The following MOV10L1 variants were observed in gnomAD, a reference collection of about 807,000 sequenced individuals.
MOV10L1 encodes RNA helicase Mov10l1.
Under a neutral mutation model 143.8 loss-of-function variants are expected in MOV10L1, and 110 were observed. The observed-to-expected ratio is 0.76, with a 90% CI of 0.66 to 0.90. The LOEUF (loss-of-function observed/expected upper bound fraction) is 0.90, where lower values mean the gene tolerates loss of function less well. Among genes scored for constraint, MOV10L1 ranks in the 40% least tolerant of loss-of-function variants. MOV10L1 has a pLI of 0.00. For missense variants in MOV10L1, 1,406 were observed against 1,526.8 expected (o/e 0.92, Z 1.32); for synonymous variants, 593 against 581.1 (o/e 1.02, Z -0.29).
intron 21 of MOV10L1, 110 bp downstream of exon 21, chr22:50,151,009 A>G: frequency 7.1e-7 from 1 of 1,412,972 alleles, no homozygotes; most frequent in East Asian, 2.4e-5. Flanking sequence ...ATCCGTGGGC[A>G]GAGTGCAGGG....
At chr22:50,126,345 C>A in intron 12 of MOV10L1, 73 bp downstream of exon 12, 1 of 1,160,396 alleles carries the variant, frequency 8.6e-7, no homozygotes, top group Non-Finnish European at 1.3e-6. Flanking sequence ...AACGTTCTCC[C>A]CACGGCTCTT....
At chr22:50,144,802 CGA>C (rs2063099720) in intron 18 of MOV10L1, among the ~76,000 whole-genome samples, 4 of 151,990 alleles carry the variant, frequency 2.6e-5, no homozygotes, top group Admixed American at 6.5e-5. Context: ...AGGATGGTCT[CGA>C]TCTCCTGACC....
intron 12 of MOV10L1, 38 bp downstream of exon 12, chr22:50,126,310 C>T (rs879045742): frequency 6.7e-7 from 1 of 1,497,994 alleles, no homozygotes; most frequent in Non-Finnish European, 9.3e-7. Context: ...GTGTTAGACA[C>T]ACCCTTCTGA....
chr22:50,092,502 G>T (rs906977608), intron 2 of MOV10L1, among the ~76,000 whole-genome samples: 5 of 152,008 alleles, frequency 3.3e-5, no homozygotes, highest in African/African-American at 1.2e-4. Context: ...GCCTGGTGTC[G>T]TGGCACATAC....
At chr22:50,144,362 T>C (rs550530856) in intron 18 of MOV10L1, 119 bp downstream of exon 18, 8 of 1,289,016 alleles carry the variant, frequency 6.2e-6, no homozygotes, top group Admixed American at 5.6e-5. Context: ...CACAGAAAGC[T>C]GTGTTTGAGA....
At position 50,115,204 on chromosome 22, in the gene MOV10L1, C is replaced by G; in HGVS notation, c.1217C>G (p.Pro406Arg). 1 of 1,546,648 alleles carries G rather than the reference C, an allele frequency of 6.5e-7. No homozygotes were observed. Among genetic ancestry groups the G allele is most frequent in the South Asian group, 1.3e-5 (1 of 79,396 alleles). Reference sequence around the variant, plus strand: ...GAGCCTGAGCCTGGGGGGCTTGTCCCTCCAGGGGGAAAAACCTTCATTGTG... The same window carrying G: ...GAGCCTGAGCCTGGGGGGCTTGTCCGTCCAGGGGGAAAAACCTTCATTGTG... Reference protein sequence around the residue: ...MTEPEPGGLVPPGGKTFIVVI... With the variant: ...MTEPEPGGLVRPGGKTFIVVI... The change falls in exon 8 of 27, where the codon CCT becomes CGT. Residue 406 changes from proline (P) to arginine (R), a missense_variant. Coordinates refer to ENST00000262794, the MANE Select transcript of MOV10L1 (RefSeq NM_018995.3).
chr22:50,146,962 CCCGAGAG>C, intron 19 of MOV10L1: 1 of 1,134,870 alleles, frequency 8.8e-7, no homozygotes, highest in Non-Finnish European at 1.3e-6. Flanking sequence ...CTGTGCGGTG[CCCGAGAG>C]CCGTGTGTGG....
intron 9 of MOV10L1, among the ~76,000 whole-genome samples, chr22:50,117,573 G>A (rs554784359): frequency 6.6e-6 from 1 of 152,174 alleles, no homozygotes; most frequent in Non-Finnish European, 1.5e-5. Flanking sequence ...CAGCAGCAGC[G>A]TGAAGCCCAA....
intron 1 of MOV10L1, 95 bp from the exon 2 acceptor site, chr22:50,091,906 A>T: frequency 8.1e-7 from 1 of 1,230,814 alleles, no homozygotes; most frequent in Non-Finnish European, 1.1e-6. Flanking sequence ...CTGCAAAAAA[A>T]GGAGGCTTTT....
intron 1 of MOV10L1, 138 bp from the exon 2 acceptor site, chr22:50,091,863 C>G: frequency 2.7e-6 from 2 of 744,900 alleles, no homozygotes; most frequent in Non-Finnish European, 4.3e-6. Context: ...CTCTCTGTCT[C>G]AAGTCAGCCC....
At chr22:50,106,847 G>A (rs970932806) in intron 3 of MOV10L1, among the ~76,000 whole-genome samples, 3 of 151,274 alleles carry the variant, frequency 2.0e-5, no homozygotes, top group South Asian at 2.1e-4. Context: ...GACCACAGGC[G>A]CCTGCCACCA....
chr22:50,108,072 A>C (rs1602161258), intron 3 of MOV10L1, 64 bp from the exon 4 acceptor site: 1 of 1,429,222 alleles, frequency 7.0e-7, no homozygotes, highest in South Asian at 1.2e-5. Context: ...ATTTCAGTGC[A>C]CCATGACCTC....
chr22:50,122,270 C>A (rs2062367884), intron 10 of MOV10L1, among the ~76,000 whole-genome samples: 1 of 152,166 alleles, frequency 6.6e-6, no homozygotes, highest in African/African-American at 2.4e-5. Context: ...TTTTTCACTT[C>A]TTTGGTTAAA....
At chr22:50,097,797 A>G (rs1329553690) in intron 2 of MOV10L1, among the ~76,000 whole-genome samples, 2 of 152,144 alleles carry the variant, frequency 1.3e-5, no homozygotes, top group African/African-American at 4.8e-5. Context: ...AAATAGACCC[A>G]TAGGACTTTG....
intron 5 of MOV10L1, among the ~76,000 whole-genome samples, chr22:50,109,393 G>C (rs2061959143): frequency 6.6e-6 from 1 of 151,990 alleles, no homozygotes; most frequent in African/African-American, 2.4e-5. Context: ...AGCGAGGCCG[G>C]GCACGGTGGC....
chr22:50,133,269 T>C (rs373036437), intron 13 of MOV10L1, among the ~76,000 whole-genome samples: 1 of 151,732 alleles, frequency 6.6e-6, no homozygotes, highest in East Asian at 1.9e-4. Flanking sequence ...GTTGAGGAGA[T>C]AGATTCTTAT....
intron 18 of MOV10L1, among the ~76,000 whole-genome samples, chr22:50,144,913 G>A (rs1449831064): frequency 6.6e-6 from 1 of 151,594 alleles, no homozygotes; most frequent in Non-Finnish European, 1.5e-5. Flanking sequence ...TTAAGTTGCT[G>A]GTTTGGTTAT....
At chr22:50,139,734 A>C (rs549305589) in intron 15 of MOV10L1, among the ~76,000 whole-genome samples, 1 of 152,224 alleles carries the variant, frequency 6.6e-6, no homozygotes, top group South Asian at 2.1e-4. Context: ...CAGAGAATAC[A>C]TACAGATGGT....
chr22:50,149,867 G>A (rs1014281614), intron 20 of MOV10L1, among the ~76,000 whole-genome samples, 153 bp downstream of exon 20: 5 of 152,198 alleles, frequency 3.3e-5, no homozygotes, highest in Admixed American at 2.6e-4. Flanking sequence ...GGTCTCTATT[G>A]TACTTTATTC....
Sources: allele counts gnomAD v4.1 joint callset (sites outside exome capture counted in the v4.1 genomes callset), GRCh38; gene constraint gnomAD v4.1.1; transcripts MANE v1.5; gene names NCBI Gene and HGNC (gene_info 2026-07-23, HGNC 2026-07-21).